ADSS2: variants seen among roughly 807,000 people sequenced by gnomAD.
The protein encoded by ADSS2 is adenylosuccinate synthetase isozyme 2.
Under a neutral mutation model 60.0 loss-of-function variants are expected in ADSS2, and 30 were observed. The ratio of observed to expected loss-of-function variants is 0.50; its 90% CI spans 0.37 to 0.68. The LOEUF is 0.68. Ranked by LOEUF, ADSS2 falls within the 30% of genes least tolerant of loss-of-function variation. ADSS2 has a pLI of 0.00. For missense variants in ADSS2, 373 were observed against 554.8 expected (o/e 0.67, Z 3.29); for synonymous variants, 187 against 193.1 (o/e 0.97, Z 0.26).
At chr1:244,450,937 T>C (rs1665555712) in intron 1 of ADSS2, among the ~76,000 whole-genome samples, 1 of 152,352 alleles carries the variant, frequency 6.6e-6, no homozygotes, top group Non-Finnish European at 1.5e-5. Flanking sequence ...GATTCCTTCC[T>C]CTGGGACCAA....
In ADSS2 at chr1:244,418,944, G is replaced by A. The variant is rs371244559; in HGVS notation, c.791-30C>T. 1.5e-4 allele frequency: 233 copies of A among 1,528,930 alleles called. 2 individuals carry two copies. Among genetic ancestry groups the A allele is most frequent in the Middle Eastern group, 1.0e-3 (6 of 5,806 alleles). 94.7% of individuals were successfully genotyped at this position (1,528,930 alleles called of 1,614,324 possible). A position where few individuals can be genotyped will look rare whatever the true frequency, so the allele number is the denominator to read the frequency against. ...AAACAGAAACAGACATTAAAATATA[G>A]TAGACACATGAATAACACATTTTAA... On this transcript the variant is annotated intron_variant, in intron 8 of 12. Transcript: ENST00000366535.
chr1:244,448,312 T>C (rs1382076198), intron 1 of ADSS2, among the ~76,000 whole-genome samples: 6 of 152,240 alleles, frequency 3.9e-5, no homozygotes, highest in Middle Eastern at 3.2e-3. Flanking sequence ...TTAACACTAA[T>C]AGTGGTTTCA....
chr1:244,423,063 T>C (rs1351591055), intron 6 of ADSS2, 147 bp from the exon 7 acceptor site: 6 of 534,778 alleles, frequency 1.1e-5, no homozygotes, highest in Admixed American at 3.5e-5. Flanking sequence ...AGAAATAAAA[T>C]TTAATAAAGG....
At position 244,435,194 on chromosome 1, in the gene ADSS2, A is replaced by AAAAAAAAAAAAAAAAAAAAAAAAC. The variant is rs1553308065; in HGVS notation, c.355+1630_355+1631insGTTTTTTTTTTTTTTTTTTTTTTT. 2.1e-4 allele frequency among the ~76,000 whole-genome samples: 27 copies of AAAAAAAAAAAAAAAAAAAAAAAAC among 127,902 alleles called. 2 individuals are homozygous for AAAAAAAAAAAAAAAAAAAAAAAAC. Among genetic ancestry groups the AAAAAAAAAAAAAAAAAAAAAAAAC allele is most frequent in the African/African-American group, 8.4e-4 (26 of 31,136 alleles). 83.9% of individuals were successfully genotyped at this position (127,902 alleles called of 152,430 possible). ...AAAAAAAAAAAAAAAAAAAAAAAAA[A>AAAAAAAAAAAAAAAAAAAAAAAAC]AAACAAACCTGAACATACTATAACA... On this transcript the variant is annotated intron_variant, in intron 3 of 12. Transcript: ENST00000366535.
Position 244,409,439 on chromosome 1 carries a change from C to A in ADSS2, c.*147G>T. On this transcript the variant is annotated 3_prime_UTR_variant, in exon 13 of 13. Coordinates refer to ENST00000366535, the MANE Select transcript of ADSS2 (RefSeq NM_001126.5). ...TGCCAAAGTTAATCTCCACAGTAGG[C>A]ATCCATCTGAAAAGACTGGAAACAA... 1 of 596,064 alleles carries A rather than the reference C, an allele frequency of 1.7e-6. No individual in the cohort carries two copies. The highest frequency in any genetic ancestry group is 3.0e-6 in the Non-Finnish European group (1 of 338,084). 36.9% of individuals were successfully genotyped at this position (596,064 alleles called of 1,614,324 possible).
intron 11 of ADSS2, 67 bp from the exon 12 acceptor site, chr1:244,411,503 T>A: frequency 6.8e-7 from 1 of 1,463,086 alleles, no homozygotes; most frequent in Non-Finnish European, 9.2e-7. Context: ...TTTTGATATA[T>A]TGTAGGTTCA....
chr1:244,409,681 C>G, intron 12 of ADSS2, 43 bp from the exon 13 acceptor site: 1 of 1,458,322 alleles, frequency 6.9e-7, no homozygotes, highest in Non-Finnish European at 9.6e-7. Flanking sequence ...CAATTCATCT[C>G]TAATGTTCAC....
Position 244,422,829 on chromosome 1 carries a change from C to A in ADSS2, c.663+6G>T, listed in dbSNP as rs1572133955. On this transcript the variant is annotated splice_donor_region_variant and intron_variant, in intron 7 of 12. Coordinates refer to ENST00000366535, the MANE Select transcript of ADSS2 (RefSeq NM_001126.5). Reference sequence around the variant, plus strand: ...AAAGAACATTAAAGATGCCAGAAAGCATTACCTTGAGTTTTTGTAATTCAC... The same window carrying A: ...AAAGAACATTAAAGATGCCAGAAAGAATTACCTTGAGTTTTTGTAATTCAC... 3.8e-6 allele frequency: 6 copies of A among 1,572,968 alleles called. No homozygotes were observed. In the South Asian group the frequency reaches 6.7e-5, roughly 18 times the overall value.
In ADSS2 at chr1:244,432,460, A is replaced by G. The variant is rs2148004286; in HGVS notation, c.406+85T>C. ...CCTACTTACGCTAAATAAAAATAAA[A>G]GACAAAATTAGTTACTAAATACTTT... On this transcript the variant is annotated intron_variant, in intron 4 of 12. Coordinates refer to ENST00000366535, the MANE Select transcript of ADSS2 (RefSeq NM_001126.5). 1.3e-5 allele frequency: 13 copies of G among 1,021,282 alleles called. No homozygotes were observed. In the South Asian group the frequency reaches 2.0e-4, roughly 16 times the overall value. 63.3% of individuals were successfully genotyped at this position (1,021,282 alleles called of 1,614,324 possible).
chr1:244,451,678 A>C lies in ADSS2; in HGVS notation c.140T>G (p.Val47Gly). 3.7e-6 allele frequency: 6 copies of C among 1,612,226 alleles called. No homozygotes were observed. The highest frequency in any genetic ancestry group is 5.1e-6 in the Non-Finnish European group (6 of 1,179,172). Residue 47 changes from valine (V) to glycine (G), a missense_variant, in exon 1 of 13, where the codon GTG becomes GGG. Val to Gly is a moderately radical substitution (Grantham distance 109). Coordinates refer to ENST00000366535, the MANE Select transcript of ADSS2 (RefSeq NM_001126.5). This position sits in a 1 kb window ranked among gnomAD's most constrained non-coding sequence, Gnocchi z 6.6. Reference protein sequence around the residue: ...QWGDEGKGKVVDLLAQDADIV... With the variant: ...QWGDEGKGKVGDLLAQDADIV... Reference sequence around the variant, plus strand: ...GTCGGCGTCCTGCGCCAGCAGGTCCACCACCTTCCCTTTGCCTTCGTCGCC... The same window carrying C: ...GTCGGCGTCCTGCGCCAGCAGGTCCCCCACCTTCCCTTTGCCTTCGTCGCC...
chr1:244,415,661 T>C (rs887826349), intron 11 of ADSS2, among the ~76,000 whole-genome samples: 1 of 152,194 alleles, frequency 6.6e-6, no homozygotes, highest in Admixed American at 6.5e-5. Flanking sequence ...AAGAGTGGCA[T>C]ACTTCCCCAA....
intron 1 of ADSS2, among the ~76,000 whole-genome samples, chr1:244,449,650 A>T (rs1025427306): frequency 6.6e-6 from 1 of 152,214 alleles, no homozygotes; most frequent in African/African-American, 2.4e-5. Flanking sequence ...TTTTTTGCTA[A>T]CAAGACTAAT....
chr1:244,438,912 ACT>A (rs1370279694), intron 1 of ADSS2, among the ~76,000 whole-genome samples: 1 of 152,222 alleles, frequency 6.6e-6, no homozygotes, highest in Non-Finnish European at 1.5e-5. Context: ...ATCTAATTAT[ACT>A]GAGTTATTTA....
intron 4 of ADSS2, among the ~76,000 whole-genome samples, chr1:244,429,279 G>C (rs565033815): frequency 4.6e-5 from 7 of 152,174 alleles, no homozygotes; most frequent in Admixed American, 4.6e-4. Flanking sequence ...ATTGTACTAC[G>C]CTCCATATCA....
intron 1 of ADSS2, among the ~76,000 whole-genome samples, chr1:244,438,278 C>T (rs1665151414): frequency 6.6e-6 from 1 of 152,158 alleles, no homozygotes; most frequent in Non-Finnish European, 1.5e-5. Flanking sequence ...ACAAGTATCT[C>T]CCCCAAATAC....
chr1:244,441,429 TAA>T (rs1665245735), intron 1 of ADSS2, among the ~76,000 whole-genome samples: 1 of 152,232 alleles, frequency 6.6e-6, no homozygotes. Flanking sequence ...TAAAAATTAC[TAA>T]GTTTAATGAA....
Position 244,435,194 on chromosome 1 carries a change from A to AAAAAAAAAAAAAAAAAAAAAAAAAC in ADSS2, c.355+1630_355+1631insGTTTTTTTTTTTTTTTTTTTTTTTT, listed in dbSNP as rs1553308065. Among the ~76,000 whole-genome samples, 25 of 127,896 alleles carry AAAAAAAAAAAAAAAAAAAAAAAAAC rather than the reference A, an allele frequency of 2.0e-4. 2 individuals carry two copies. The highest frequency in any genetic ancestry group is 7.4e-4 in the African/African-American group (23 of 31,132). The allele number at this position is 127,896 out of a possible 152,430, so 83.9% of individuals were successfully genotyped here. On this transcript the variant is annotated intron_variant, in intron 3 of 12. Coordinates refer to ENST00000366535, the MANE Select transcript of ADSS2 (RefSeq NM_001126.5). ...AAAAAAAAAAAAAAAAAAAAAAAAA[A>AAAAAAAAAAAAAAAAAAAAAAAAAC]AAACAAACCTGAACATACTATAACA...
At chr1:244,426,651 T>C (rs1664809563) in intron 4 of ADSS2, among the ~76,000 whole-genome samples, 1 of 152,220 alleles carries the variant, frequency 6.6e-6, no homozygotes, top group Non-Finnish European at 1.5e-5. Context: ...AATGTTATAC[T>C]ATGCTTGGTG....
rs577436018 is a variant in ADSS2, at chr1:244,451,224, C to T, written c.183+411G>A. Among the ~76,000 whole-genome samples, 77 of 152,304 alleles carry T rather than the reference C, an allele frequency of 5.1e-4. No individual in the cohort carries two copies. The highest frequency in any genetic ancestry group is 1.8e-3 in the African/African-American group (73 of 41,580). On this transcript the variant is annotated intron_variant, in intron 1 of 12. Coordinates refer to ENST00000366535, the MANE Select transcript of ADSS2 (RefSeq NM_001126.5). The surrounding 1 kb of genome is among the most constrained non-coding windows in gnomAD (Gnocchi z 6.6). ...GGGCGGTGATGGGGGGTTCTGCCGT[C>T]GCGCCGGGTCTCCGCCCGCAGTCGG...
Sources: gnomAD v4.1 joint callset for allele counts (sites outside exome capture counted in the v4.1 genomes callset) on GRCh38, gnomAD v4.1.1 for gene constraint, Gnocchi (gnomAD v3.1) non-coding constraint, MANE v1.5 for transcripts, NCBI Gene and HGNC (gene_info 2026-07-23, HGNC 2026-07-21) for gene names.